Variants in DGKK observed in about 807,000 individuals in gnomAD.
DGKK encodes 142 kDa diacylglycerol kinase.
In DGKK, 35 loss-of-function variants were observed where a neutral mutation model predicts 92.2. That is an observed-to-expected ratio of 0.38 (90% CI 0.29 to 0.50). The LOEUF (loss-of-function observed/expected upper bound fraction) is 0.50, where lower values mean the gene tolerates loss of function less well. DGKK is among the 20% of genes least tolerant of loss of function. The pLI is 0.92. For missense variants in DGKK, 910 were observed against 992.2 expected, an observed-to-expected ratio of 0.92 and a Z score of 1.11; for synonymous variants, 368 against 360.6, an observed-to-expected ratio of 1.02 and a Z score of -0.23.
chrX:50,393,235 C>T lies in DGKK; in HGVS notation c.1512G>A (p.Gln504=), dbSNP rs782149478. 11 of 1,207,960 alleles carry T rather than the reference C, an allele frequency of 9.1e-6. No individual in the cohort carries two copies. Among genetic ancestry groups the T allele is most frequent in the Non-Finnish European group, 1.2e-5 (11 of 893,891 alleles). Residue 504 remains glutamine, a synonymous_variant, in exon 9 of 28, where the codon CAG becomes CAA. Coordinates refer to ENST00000611977, the MANE Select transcript of DGKK (RefSeq NM_001013742.4). Reference sequence around the variant, plus strand: ...TGAATTTTCGGAGGAAGACGATCCCCTGATGATCGCCACTTTTGGAGTTGA... The same window carrying T: ...TGAATTTTCGGAGGAAGACGATCCCTTGATGATCGCCACTTTTGGAGTTGA... ...IFINSKSGDH[Q]GIVFLRKFKQ... is the part of the protein sequence containing the mutation.
chrX:50,370,532 A>G lies in DGKK; in HGVS notation c.3630T>C (p.Thr1210=). The change falls in exon 27 of 28, where the codon ACT becomes ACC. Residue 1210 remains threonine, a synonymous_variant. Transcript: ENST00000611977. ...IFVPEEKSSD[T]DSRSLRLKIK... ...TTTTCAGCCTGAGGCTTCTACTGTC[A>G]GTGTCCGAAGATTTTTCCTGAGAAA... is the stretch of plus-strand genomic sequence containing the variant. 1 of 1,197,836 alleles carries G rather than the reference A, an allele frequency of 8.3e-7. No individual in the cohort carries two copies. The highest frequency in any genetic ancestry group is 1.8e-5 in the South Asian group (1 of 54,564).
Position 50,391,475 on chromosome X carries a change from G to A in DGKK, c.1806C>T (p.Leu602=), listed in dbSNP as rs782734673. The part of the protein sequence containing the change: ...WNKSKSPLDI[L]NRVEQASVRI... The stretch of plus-strand genomic sequence containing the variant: ...TCACACTAGCCTGCTCCACTCTGTT[G>A]AGGATGTCCAGAGGTGACTTGCTTT... The change falls in exon 11 of 28, where the codon CTC becomes CTT. Residue 602 remains leucine (L), a synonymous_variant. Coordinates refer to ENST00000611977, the MANE Select transcript of DGKK (RefSeq NM_001013742.4). 4 of 1,211,576 alleles carry A rather than the reference G, an allele frequency of 3.3e-6. No homozygotes were observed. The South Asian group carries it at 5.3e-5, about 16-fold the overall frequency.
intron 1 of DGKK, among the ~76,000 whole-genome samples, chrX:50,448,379 G>A (rs1926418095): frequency 9.1e-6 from 1 of 110,175 alleles, no homozygotes; most frequent in African/African-American, 3.3e-5. Context: ...GACATCTGGG[G>A]GTGGGAAGTG....
intron 1 of DGKK, among the ~76,000 whole-genome samples, chrX:50,463,939 A>C (rs1557233683): frequency 9.0e-6 from 1 of 110,635 alleles, no homozygotes; most frequent in Non-Finnish European, 1.9e-5. Flanking sequence ...AAAATTCTAT[A>C]TTAAGAATAA....
chrX:50,400,184 C>T (rs1302892531), intron 8 of DGKK, among the ~76,000 whole-genome samples: 2 of 111,689 alleles, frequency 1.8e-5, no homozygotes, highest in Non-Finnish European at 3.8e-5. Context: ...TTGCCTAGCT[C>T]TTGTTTTTTT....
At chrX:50,461,659 G>A (rs1926750424) in intron 1 of DGKK, among the ~76,000 whole-genome samples, 2 of 111,726 alleles carry the variant, frequency 1.8e-5, no homozygotes, top group African/African-American at 3.3e-5. Context: ...TGGTAATTGA[G>A]TCTCTCATTT....
At chrX:50,400,201 C>T (rs1924965269) in intron 8 of DGKK, among the ~76,000 whole-genome samples, 2 of 111,269 alleles carry the variant, frequency 1.8e-5, no homozygotes, top group Admixed American at 9.6e-5. Context: ...TTTTTCCTTA[C>T]GTCATGATAC....
chrX:50,395,533 C>T (rs1490651897), intron 8 of DGKK, among the ~76,000 whole-genome samples: 5 of 111,307 alleles, frequency 4.5e-5, no homozygotes, highest in Non-Finnish European at 7.5e-5. Context: ...GGGGTAGTTC[C>T]TCTCTAAAGG....
intron 8 of DGKK, among the ~76,000 whole-genome samples, chrX:50,396,310 T>C (rs782798986): frequency 7.2e-5 from 8 of 111,858 alleles, no homozygotes; most frequent in Admixed American, 2.8e-4. Context: ...AAGAAACTAA[T>C]GGCAGTATTG....
At chrX:50,424,478 T>C (rs1368886244) in intron 1 of DGKK, 120 bp from the exon 2 acceptor site, 2 of 603,871 alleles carry the variant, frequency 3.3e-6, no homozygotes, top group African/African-American at 4.5e-5. Context: ...ATCTGAGAAA[T>C]GGCCTGAAGG....
chrX:50,384,877 G>C, intron 15 of DGKK, 53 bp from the exon 16 acceptor site: 4 of 902,909 alleles, frequency 4.4e-6, no homozygotes, highest in Non-Finnish European at 6.4e-6. Context: ...GGAAGGGAGG[G>C]AGGAAGAAAG....
chrX:50,395,339 C>G (rs1248328640), intron 8 of DGKK, among the ~76,000 whole-genome samples: 1 of 111,152 alleles, frequency 9.0e-6, no homozygotes, highest in Non-Finnish European at 1.9e-5. Flanking sequence ...TCAACACCCT[C>G]TAAGTGAGCA....
chrX:50,391,485 A>G lies in DGKK; in HGVS notation c.1796T>C (p.Leu599Pro), dbSNP rs782273327. Reference protein sequence around the residue: ...GAFWNKSKSPLDILNRVEQAS... With the variant: ...GAFWNKSKSPPDILNRVEQAS... ...CTGCTCCACTCTGTTGAGGATGTCC[A>G]GAGGTGACTTGCTTTTGTTCCAGAA... The change falls in exon 11 of 28, where the codon CTG (leucine) becomes CCG (proline). Residue 599 changes from leucine to proline, a missense_variant. By Grantham distance (98) the Leu-to-Pro change is moderately conservative. Transcript: ENST00000611977. 4 of 1,211,633 alleles carry G rather than the reference A, an allele frequency of 3.3e-6. No homozygotes were observed. The highest frequency in any genetic ancestry group is 1.7e-5 in the African/African-American group (1 of 57,836).
At chrX:50,404,339 C>A (rs1383441886) in intron 4 of DGKK, among the ~76,000 whole-genome samples, 155 bp from the exon 5 acceptor site, 1 of 110,440 alleles carries the variant, frequency 9.1e-6, no homozygotes, top group Non-Finnish European at 1.9e-5. Context: ...ATACCTGGGA[C>A]CTGGGATACT....
At chrX:50,424,162 A>G (rs1602289700) in intron 2 of DGKK, 86 bp downstream of exon 2, 1 of 857,337 alleles carries the variant, frequency 1.2e-6, no homozygotes, top group Non-Finnish European at 1.6e-6. Context: ...GTTTGCTGAC[A>G]TGTCTTTACT....
intron 1 of DGKK, among the ~76,000 whole-genome samples, chrX:50,451,004 A>G (rs1439916440): frequency 2.7e-5 from 3 of 111,782 alleles, no homozygotes; most frequent in Non-Finnish European, 5.7e-5. Context: ...TTATGCTGCA[A>G]TCTCAAGTTA....
In DGKK at chrX:50,470,629, C is replaced by T. The variant is rs868952444; in HGVS notation, c.50G>A (p.Gly17Glu). 2.6e-6 allele frequency: 3 copies of T among 1,160,074 alleles called. No individual in the cohort carries two copies. In the Middle Eastern group the frequency reaches 9.4e-4, roughly 362 times the overall value. The change falls in exon 1 of 28, where the codon GGA (glycine) becomes GAA (glutamate). Residue 17 changes from glycine to glutamate, a missense_variant. Gly to Glu is a moderately conservative substitution (Grantham distance 98). Coordinates refer to ENST00000611977, the MANE Select transcript of DGKK (RefSeq NM_001013742.4). ...CTCTGGAGACTCAGCGGGCTGCTCTCCATCCTGAGGCGGGGCAGTGCCCTG... is the reference window on the plus strand; with the variant it reads ...CTCTGGAGACTCAGCGGGCTGCTCTTCATCCTGAGGCGGGGCAGTGCCCTG... ...AAQGTAPPQD[G>E]EQPAESPEPP...
chrX:50,399,273 T>C (rs1194675406), intron 8 of DGKK, among the ~76,000 whole-genome samples: 2 of 111,572 alleles, frequency 1.8e-5, no homozygotes, highest in Admixed American at 9.5e-5. Flanking sequence ...CGCGTGCACA[T>C]ATATATGAGC....
rs782304901 is a variant in DGKK, at chrX:50,391,548, G to A, written c.1733C>T (p.Thr578Ile). The A allele has an allele frequency of 8.3e-7, 1 of 1,211,332 alleles. No homozygotes were observed. The highest frequency in any genetic ancestry group is 1.1e-6 in the Non-Finnish European group (1 of 895,192). The change falls in exon 11 of 28, where the codon ACC (threonine) becomes ATC (isoleucine). Residue 578 changes from threonine to isoleucine, a missense_variant. Thr to Ile is a moderately conservative substitution (Grantham distance 89, BLOSUM62 -1). Coordinates refer to ENST00000611977, the MANE Select transcript of DGKK (RefSeq NM_001013742.4). Reference protein sequence around the residue: ...KCQLAVIPLGTGNDLARVLGW... With the variant: ...KCQLAVIPLGIGNDLARVLGW... The stretch of plus-strand genomic sequence containing the variant: ...CAGAACACGAGCCAGATCATTGCCG[G>A]TTCCAAGTGGGATGACTGCCAACTG...
Sources: gnomAD v4.1 joint callset for allele counts (sites outside exome capture counted in the v4.1 genomes callset) on GRCh38, gnomAD v4.1.1 for gene constraint, MANE v1.5 for transcripts, NCBI Gene and HGNC (gene_info 2026-07-23, HGNC 2026-07-21) for gene names.